ANKFN1: variants seen among roughly 807,000 people sequenced by gnomAD.
ANKFN1 encodes ankyrin repeat and fibronectin type III domain containing 1.
ANKFN1 carries 74 observed loss-of-function variants against 108.7 expected under a neutral mutation model. That is an observed-to-expected ratio of 0.68 (90% CI 0.56 to 0.83). ANKFN1 has a LOEUF of 0.83. Among genes scored for constraint, ANKFN1 ranks in the 40% least tolerant of loss-of-function variants. The probability of loss-of-function intolerance (pLI) is 0.00; values close to 1 mark genes in which losing one functional copy is unlikely to be tolerated. For missense variants in ANKFN1, 1,505 were observed against 1,382.3 expected, an observed-to-expected ratio of 1.09 and a Z score of -1.41; for synonymous variants, 547 against 516.2, an observed-to-expected ratio of 1.06 and a Z score of -0.81.
At position 56,455,792 on chromosome 17, in the gene ANKFN1, T is replaced by C. The variant is rs563418939; in HGVS notation, c.1208-1069T>C. On this transcript the variant is annotated intron_variant, in intron 11 of 20. Coordinates refer to ENST00000682825, the MANE Select transcript of ANKFN1 (RefSeq NM_001370326.1). The stretch of plus-strand genomic sequence containing the variant: ...GAAGCAATGAATTATTTGCTTACCA[T>C]TGTACCTGCAGAGCCTGATGCATAG... Among the ~76,000 whole-genome samples, 24 of 152,348 alleles carry C rather than the reference T, an allele frequency of 1.6e-4. No individual in the cohort carries two copies. In the South Asian group the frequency reaches 4.6e-3, roughly 29 times the overall value.
chr17:56,269,438 A>C (rs1004725595), intron 3 of ANKFN1, among the ~76,000 whole-genome samples: 4 of 152,202 alleles, frequency 2.6e-5, no homozygotes, highest in Non-Finnish European at 5.9e-5. Flanking sequence ...TTTACAGATG[A>C]GAAAGCTGAC....
At chr17:56,467,676 TAA>T (rs531411625) in intron 15 of ANKFN1, among the ~76,000 whole-genome samples, 1 of 74,172 alleles carries the variant, frequency 1.3e-5, no homozygotes, top group African/African-American at 4.3e-5. Context: ...GAATCCATCT[TAA>T]AAAAAAAAAA....
At chr17:56,119,494 G>C (rs949449092) in intron 4 of ANKFN1, among the ~76,000 whole-genome samples, 1 of 152,056 alleles carries the variant, frequency 6.6e-6, no homozygotes, top group Admixed American at 6.6e-5. Context: ...ATGATGGAAT[G>C]GAGGCAGAAA....
At chr17:56,050,590 C>T (rs1280099633) in intron 4 of ANKFN1, among the ~76,000 whole-genome samples, 4 of 150,382 alleles carry the variant, frequency 2.7e-5, no homozygotes. Flanking sequence ...GGAAGGGATC[C>T]AGTTTCAGCT....
intron 4 of ANKFN1, among the ~76,000 whole-genome samples, chr17:56,133,868 C>T (rs1352022849): frequency 6.6e-6 from 1 of 151,936 alleles, no homozygotes; most frequent in Non-Finnish European, 1.5e-5. Context: ...ATACAACAAG[C>T]AGTTCTCCAG....
At chr17:56,398,251 T>C (rs1170703749) in intron 8 of ANKFN1, among the ~76,000 whole-genome samples, 1 of 152,218 alleles carries the variant, frequency 6.6e-6, no homozygotes, top group Non-Finnish European at 1.5e-5. Flanking sequence ...ATTGAATGAA[T>C]GAATACATGA....
intron 8 of ANKFN1, among the ~76,000 whole-genome samples, chr17:56,380,775 C>T (rs1378282019): frequency 6.6e-6 from 1 of 152,232 alleles, no homozygotes; most frequent in Non-Finnish European, 1.5e-5. Flanking sequence ...GTAAACAAAG[C>T]AGCCGGGAAG....
At chr17:56,297,226 C>T (rs1246570705) in intron 3 of ANKFN1, among the ~76,000 whole-genome samples, 2 of 152,138 alleles carry the variant, frequency 1.3e-5, no homozygotes, top group Non-Finnish European at 2.9e-5. Flanking sequence ...CTTATTGTTA[C>T]GGCGTCTGGG....
chr17:56,143,743 T>C (rs777620792), intron 4 of ANKFN1, among the ~76,000 whole-genome samples: 7 of 152,120 alleles, frequency 4.6e-5, no homozygotes, highest in African/African-American at 7.2e-5. Flanking sequence ...GAGAGGGATA[T>C]GTGACACAGA....
chr17:56,397,622 C>G (rs1231144569), intron 8 of ANKFN1, among the ~76,000 whole-genome samples: 2 of 152,188 alleles, frequency 1.3e-5, no homozygotes, highest in African/African-American at 4.8e-5. Flanking sequence ...CTTGTCTGTT[C>G]TATACAGTGT....
At chr17:56,473,478 C>T (rs1398123966) in intron 15 of ANKFN1, 1 of 151,898 alleles carries the variant, frequency 6.6e-6, no homozygotes, top group East Asian at 1.9e-4. Context: ...GCCTAGGCAA[C>T]ATGGCGAAAC....
chr17:56,211,728 A>G (rs1033797910), intron 1 of ANKFN1, among the ~76,000 whole-genome samples: 2 of 152,202 alleles, frequency 1.3e-5, no homozygotes, highest in Non-Finnish European at 2.9e-5. Flanking sequence ...TGATTCTACC[A>G]ATCCATGAGC....
At chr17:56,106,797 A>G (rs1007411988) in intron 4 of ANKFN1, among the ~76,000 whole-genome samples, 13 of 152,150 alleles carry the variant, frequency 8.5e-5, no homozygotes, top group African/African-American at 3.1e-4. Flanking sequence ...AGAAAATCCA[A>G]GGGAGGGCGC....
At chr17:56,120,725 A>T (rs1019577366) in intron 4 of ANKFN1, among the ~76,000 whole-genome samples, 2 of 152,102 alleles carry the variant, frequency 1.3e-5, no homozygotes, top group Non-Finnish European at 2.9e-5. Context: ...GACACCTCCA[A>T]TGATGGTTGC....
intron 4 of ANKFN1, among the ~76,000 whole-genome samples, chr17:56,340,139 A>C (rs2045922699): frequency 6.6e-6 from 1 of 152,094 alleles, no homozygotes; most frequent in Non-Finnish European, 1.5e-5. Context: ...TCCTTTGCCC[A>C]CTTTTTGATG....
At chr17:56,345,427 C>T (rs1344317917) in intron 4 of ANKFN1, among the ~76,000 whole-genome samples, 2 of 152,040 alleles carry the variant, frequency 1.3e-5, no homozygotes, top group African/African-American at 4.8e-5. Context: ...ATCACTGGGT[C>T]AAATGATATT....
intron 4 of ANKFN1, 31 bp downstream of exon 4, chr17:56,326,386 T>C: frequency 1.9e-6 from 3 of 1,599,368 alleles, no homozygotes; most frequent in Admixed American, 1.8e-5. Context: ...TCTTTCTTCA[T>C]GTGAATATGG....
At chr17:56,105,882 G>T (rs1183288114) in intron 4 of ANKFN1, among the ~76,000 whole-genome samples, 1 of 151,956 alleles carries the variant, frequency 6.6e-6, no homozygotes, top group Non-Finnish European at 1.5e-5. Flanking sequence ...GGTGGTGAGA[G>T]GATAGTGGTG....
intron 8 of ANKFN1, among the ~76,000 whole-genome samples, chr17:56,410,707 C>A (rs1859636628): frequency 6.6e-6 from 1 of 152,138 alleles, no homozygotes; most frequent in Non-Finnish European, 1.5e-5. Context: ...CTCCAGCCCC[C>A]ACCACCGTCT....
Sources: allele counts gnomAD v4.1 joint callset (sites outside exome capture counted in the v4.1 genomes callset), GRCh38; gene constraint gnomAD v4.1.1; transcripts MANE v1.5; gene names NCBI Gene and HGNC (gene_info 2026-07-23, HGNC 2026-07-21).